The following DPP6 variants were observed in gnomAD, a reference collection of about 807,000 sequenced individuals.
DPP6 encodes dipeptidyl peptidase like 6, also known as A-type potassium channel modulatory protein DPP6.
In DPP6, 69 loss-of-function variants were observed where a neutral mutation model predicts 122.6. The observed-to-expected ratio is 0.56, with a 90% CI of 0.46 to 0.69. DPP6 has a LOEUF of 0.69. Among genes scored for constraint, DPP6 ranks in the 30% least tolerant of loss-of-function variants. The pLI is 0.00. For synonymous variants in DPP6, 418 were observed against 433.1 expected, an observed-to-expected ratio of 0.97 and a Z score of 0.43; for missense variants, 928 against 1,116.9, an observed-to-expected ratio of 0.83 and a Z score of 2.41.
chr7:154,646,038 A>AAAAAAAAAAAAAAAAAAAAAAAT (rs1432408504), intron 6 of DPP6, among the ~76,000 whole-genome samples: 1 of 150,016 alleles, frequency 6.7e-6, no homozygotes, highest in Admixed American at 6.6e-5. Context: ...AAAAAAAAAA[A>AAAAAAAAAAAAAAAAAAAAAAAT]AAAAAAAGAA....
chr7:154,232,132 A>C (rs1270944442), intron 1 of DPP6, among the ~76,000 whole-genome samples: 2 of 152,162 alleles, frequency 1.3e-5, no homozygotes, highest in African/African-American at 4.8e-5. Flanking sequence ...ACAAGCTGAT[A>C]GGGTGAGTGG....
At chr7:153,895,138 C>T (rs1799352945) in intron 1 of DPP6, among the ~76,000 whole-genome samples, 1 of 152,120 alleles carries the variant, frequency 6.6e-6, no homozygotes, top group Admixed American at 6.5e-5. Context: ...CCTTTTTCTT[C>T]ACGCCCAGAA....
intron 1 of DPP6, among the ~76,000 whole-genome samples, chr7:154,139,769 A>G (rs912394683): frequency 1.3e-5 from 2 of 152,140 alleles, no homozygotes; most frequent in Non-Finnish European, 2.9e-5. Context: ...TTCCCACTTC[A>G]TGCCCATGAT....
rs1277849270 is a variant in DPP6, at chr7:154,606,536, A to G, written c.628-31285A>G. 3.3e-5 allele frequency among the ~76,000 whole-genome samples: 4 copies of G among 120,690 alleles called. 2 individuals are homozygous for G. Among genetic ancestry groups the G allele is most frequent in the Non-Finnish European group, 7.5e-5 (4 of 53,654 alleles). The allele number at this position is 120,690 out of a possible 152,430, so 79.2% of individuals were successfully genotyped here. A position where few individuals can be genotyped will look rare whatever the true frequency, so the allele number is the denominator to read the frequency against. On this transcript the variant is annotated intron_variant, in intron 5 of 25. Coordinates refer to ENST00000377770, the MANE Select transcript of DPP6 (RefSeq NM_130797.4). ...CTTTCTTGGCCCTTATGATTTAATT[A>G]TGTCCTTCCTGAATTGCATATGTTT...
At chr7:154,869,304 G>T (rs1175920565) in intron 18 of DPP6, among the ~76,000 whole-genome samples, 1 of 152,194 alleles carries the variant, frequency 6.6e-6, no homozygotes, top group Non-Finnish European at 1.5e-5. Context: ...AACAGACTCA[G>T]CTCCCAAGAG....
chr7:153,986,915 C>T lies in DPP6; in HGVS notation c.51+99181C>T, dbSNP rs1488018111. Among the ~76,000 whole-genome samples, 9 of 150,922 alleles carry T rather than the reference C, an allele frequency of 6.0e-5. 1 individual carries two copies. Among genetic ancestry groups the T allele is most frequent in the Non-Finnish European group, 2.9e-5 (2 of 67,824 alleles). On this transcript the variant is annotated intron_variant, in intron 1 of 25. Coordinates refer to the DPP6 transcript ENST00000404039. ...GATACTGAGAAAGTTCTAGTTGAATCATTTAATTTGAATGAAGCTGTGAGA... is the reference window on the plus strand; with the variant it reads ...GATACTGAGAAAGTTCTAGTTGAATTATTTAATTTGAATGAAGCTGTGAGA...
At chr7:154,072,307 AGTTTATAT>A (rs1803176266) in intron 1 of DPP6, among the ~76,000 whole-genome samples, 1 of 152,234 alleles carries the variant, frequency 6.6e-6, no homozygotes, top group Admixed American at 6.5e-5. Context: ...CCATGGTGTT[AGTTTATAT>A]GTTTGTATCA....
chr7:154,080,849 A>G (rs551098111), intron 1 of DPP6, among the ~76,000 whole-genome samples: 17 of 152,264 alleles, frequency 1.1e-4, no homozygotes, highest in African/African-American at 4.1e-4. Context: ...GGAGGTCTGC[A>G]TGGAACCTGG....
intron 17 of DPP6, among the ~76,000 whole-genome samples, chr7:154,854,293 G>C (rs991442591): frequency 2.0e-5 from 3 of 152,196 alleles, no homozygotes; most frequent in Admixed American, 1.3e-4. Flanking sequence ...TCTGCCATTT[G>C]TAAAATGGTA....
intron 20 of DPP6, among the ~76,000 whole-genome samples, chr7:154,878,431 C>T (rs972297312): frequency 3.9e-5 from 6 of 152,234 alleles, no homozygotes; most frequent in African/African-American, 7.2e-5. Flanking sequence ...AGAGCCGTTG[C>T]CAAAGCACAG....
chr7:154,769,311 C>A, intron 8 of DPP6, 106 bp from the exon 9 acceptor site: 1 of 1,462,922 alleles, frequency 6.8e-7, no homozygotes, highest in Non-Finnish European at 9.4e-7. Flanking sequence ...ATAAGGGGCT[C>A]TGCAGGGACT....
chr7:154,599,872 C>T (rs999408102), intron 5 of DPP6, among the ~76,000 whole-genome samples: 8 of 152,126 alleles, frequency 5.3e-5, no homozygotes, highest in Non-Finnish European at 8.8e-5. Context: ...ATGGTAGGCA[C>T]ACATGCACCG....
chr7:153,877,326 T>A, the DPP6 span, among the ~76,000 whole-genome samples: 184 of 152,308 alleles, frequency 1.2e-3, no homozygotes, highest in African/African-American at 4.4e-3. Flanking sequence ...TCAAATTTCT[T>A]ATTTCATTTG....
intron 1 of DPP6, among the ~76,000 whole-genome samples, chr7:154,273,186 C>T (rs1022296720): frequency 6.6e-6 from 1 of 152,120 alleles, no homozygotes; most frequent in Non-Finnish European, 1.5e-5. Flanking sequence ...TTGCAATTCC[C>T]AATAATGTAG....
chr7:154,343,909 T>A (rs912820838), intron 1 of DPP6, among the ~76,000 whole-genome samples: 1 of 152,176 alleles, frequency 6.6e-6, no homozygotes, highest in African/African-American at 2.4e-5. Context: ...AGAGACGGGG[T>A]TTCACCGTGT....
chr7:153,879,224 G>A, the DPP6 span, among the ~76,000 whole-genome samples: 2 of 152,158 alleles, frequency 1.3e-5, no homozygotes, highest in Non-Finnish European at 2.9e-5. Context: ...CAGTTGTCCA[G>A]CAGAGAGAAG....
At chr7:153,993,182 A>G (rs1377855656) in intron 1 of DPP6, among the ~76,000 whole-genome samples, 2 of 152,190 alleles carry the variant, frequency 1.3e-5, no homozygotes, top group Non-Finnish European at 2.9e-5. Flanking sequence ...TCAAGGTTGT[A>G]TCTGAATCAG....
chr7:154,549,599 A>G (rs1829477776), intron 4 of DPP6, among the ~76,000 whole-genome samples: 1 of 152,196 alleles, frequency 6.6e-6, no homozygotes, highest in South Asian at 2.1e-4. Flanking sequence ...CTTTTGATTA[A>G]AAAAACAACA....
chr7:154,000,194 CTAAA>C (rs1206248608), intron 1 of DPP6, among the ~76,000 whole-genome samples: 2 of 152,172 alleles, frequency 1.3e-5, no homozygotes, highest in African/African-American at 4.8e-5. Context: ...ACTAAAGAAA[CTAAA>C]TATTCTTTTG....
Sources: allele counts gnomAD v4.1 joint callset (sites outside exome capture counted in the v4.1 genomes callset), GRCh38; gene constraint gnomAD v4.1.1; transcripts MANE v1.5; gene names NCBI Gene and HGNC (gene_info 2026-07-23, HGNC 2026-07-21).